GTF2E2: variants seen among roughly 807,000 people sequenced by gnomAD.
The protein encoded by GTF2E2 is transcription initiation factor IIE subunit beta.
In GTF2E2, 21 loss-of-function variants were observed where a neutral mutation model predicts 40.5. The observed-to-expected ratio is 0.52, with a 90% CI of 0.37 to 0.75. The LOEUF (loss-of-function observed/expected upper bound fraction) is 0.75. Ranked by LOEUF, GTF2E2 falls within the 30% of genes least tolerant of loss-of-function variation. The pLI is 0.00. For synonymous variants in GTF2E2, 117 were observed against 121.6 expected (o/e 0.96, Z 0.25); for missense variants, 298 against 338.4 (o/e 0.88, Z 0.94).
At chr8:30,635,250 A>G in intron 2 of GTF2E2, 127 bp from the exon 3 acceptor site, 1 of 544,980 alleles carries the variant, frequency 1.8e-6, no homozygotes. Flanking sequence ...ACCCTGTAAT[A>G]TTCTGGTGAA....
chr8:30,594,684 C>G (rs1427450453), intron 6 of GTF2E2, among the ~76,000 whole-genome samples: 1 of 151,740 alleles, frequency 6.6e-6, no homozygotes, highest in Non-Finnish European at 1.5e-5. Context: ...ATGAAGAAAT[C>G]CTGTCTCTAC....
intron 3 of GTF2E2, among the ~76,000 whole-genome samples, chr8:30,634,633 A>G (rs905449868): frequency 6.6e-5 from 10 of 152,212 alleles, no homozygotes; most frequent in African/African-American, 2.2e-4. Context: ...AGAAGCCATC[A>G]CCATCATCTG....
chr8:30,614,548 A>T (rs901559501), intron 4 of GTF2E2, 60 bp downstream of exon 4: 22 of 704,434 alleles, frequency 3.1e-5, no homozygotes, highest in African/African-American at 2.6e-4. Context: ...ACTCTGTCTT[A>T]AAAAAAAAAG....
intron 3 of GTF2E2, among the ~76,000 whole-genome samples, chr8:30,625,658 G>A (rs1431718976): frequency 1.3e-5 from 2 of 152,054 alleles, no homozygotes; most frequent in African/African-American, 4.8e-5. Context: ...GAGTACAGTG[G>A]CACGATCTCG....
chr8:30,624,488 A>C (rs1801209718), intron 3 of GTF2E2, among the ~76,000 whole-genome samples: 1 of 152,098 alleles, frequency 6.6e-6, no homozygotes, highest in South Asian at 2.1e-4. Context: ...CTGACTTCAC[A>C]ATGCGGGCTC....
intron 6 of GTF2E2, among the ~76,000 whole-genome samples, chr8:30,604,644 C>A (rs188979160): frequency 2.3e-4 from 35 of 152,318 alleles, no homozygotes; most frequent in Admixed American, 5.9e-4. Context: ...TAAGATTTAA[C>A]TACCAAGCAT....
At chr8:30,640,474 A>G (rs765779913) in intron 2 of GTF2E2, among the ~76,000 whole-genome samples, 3 of 152,130 alleles carry the variant, frequency 2.0e-5, no homozygotes, top group Non-Finnish European at 4.4e-5. Flanking sequence ...AAACAAAACT[A>G]AAACACATAT....
intron 3 of GTF2E2, among the ~76,000 whole-genome samples, chr8:30,624,741 T>TG (rs1724794959): frequency 6.6e-6 from 1 of 152,062 alleles, no homozygotes; most frequent in African/African-American, 2.4e-5. Context: ...CCTTGTAAGT[T>TG]GGATTTCTAG....
At chr8:30,614,942 C>T (rs1014013391) in intron 3 of GTF2E2, among the ~76,000 whole-genome samples, 1 of 151,706 alleles carries the variant, frequency 6.6e-6, no homozygotes, top group African/African-American at 2.4e-5. Context: ...ACTCGTATCA[C>T]CAAGAGCTAT....
intron 6 of GTF2E2, among the ~76,000 whole-genome samples, chr8:30,591,631 T>C (rs374023917): frequency 1.3e-5 from 2 of 152,214 alleles, no homozygotes; most frequent in African/African-American, 4.8e-5. Flanking sequence ...AAAATCAGTG[T>C]TGGCAAGGGT....
chr8:30,613,823 C>T (rs1371997598), intron 4 of GTF2E2, among the ~76,000 whole-genome samples: 2 of 152,166 alleles, frequency 1.3e-5, no homozygotes, highest in African/African-American at 2.4e-5. Flanking sequence ...TATTTTAAAG[C>T]GGTAAACATT....
chr8:30,642,018 A>G (rs570205171), intron 2 of GTF2E2, among the ~76,000 whole-genome samples: 3 of 152,256 alleles, frequency 2.0e-5, no homozygotes, highest in Non-Finnish European at 4.4e-5. Context: ...ACAGTCTAAC[A>G]AAAATGACAG....
At chr8:30,636,687 G>A (rs564943703) in intron 2 of GTF2E2, among the ~76,000 whole-genome samples, 2 of 152,202 alleles carry the variant, frequency 1.3e-5, no homozygotes, top group South Asian at 4.1e-4. Flanking sequence ...CCAACATGGT[G>A]AAACCCCGTC....
At chr8:30,584,976 C>T (rs1440662071) in intron 6 of GTF2E2, 3 of 152,170 alleles carry the variant, frequency 2.0e-5, no homozygotes, top group Non-Finnish European at 2.9e-5. Context: ...CACCTGAGGT[C>T]GGGAGTTCGA....
chr8:30,584,222 T>C (rs1361195708), intron 6 of GTF2E2, among the ~76,000 whole-genome samples: 7 of 152,074 alleles, frequency 4.6e-5, no homozygotes, highest in Admixed American at 4.6e-4. Context: ...CTCCAGTTTT[T>C]CTTCTTTCTC....
At chr8:30,605,494 T>A (rs1267840479) in intron 6 of GTF2E2, among the ~76,000 whole-genome samples, 2 of 152,228 alleles carry the variant, frequency 1.3e-5, no homozygotes, top group Admixed American at 1.3e-4. Flanking sequence ...AAGGCACATC[T>A]GCCTTTTAGT....
chr8:30,623,593 T>A (rs1306026425), intron 3 of GTF2E2, among the ~76,000 whole-genome samples: 1 of 152,096 alleles, frequency 6.6e-6, no homozygotes, highest in Non-Finnish European at 1.5e-5. Context: ...ATCGCCACAC[T>A]GACTTCTACA....
At chr8:30,639,227 G>T (rs1208846941) in intron 2 of GTF2E2, among the ~76,000 whole-genome samples, 1 of 152,058 alleles carries the variant, frequency 6.6e-6, no homozygotes, top group Admixed American at 6.5e-5. Flanking sequence ...GATCATAAAA[G>T]GTATCACTAT....
At chr8:30,602,008 A>G (rs985880128) in intron 6 of GTF2E2, among the ~76,000 whole-genome samples, 1 of 133,346 alleles carries the variant, frequency 7.5e-6, no homozygotes, top group Non-Finnish European at 1.6e-5. Context: ...GAGCACTTAT[A>G]CATTTTTTAA....
Sources: gnomAD v4.1 joint callset for allele counts (sites outside exome capture counted in the v4.1 genomes callset) on GRCh38, gnomAD v4.1.1 for gene constraint, MANE v1.5 for transcripts, NCBI Gene and HGNC (gene_info 2026-07-23, HGNC 2026-07-21) for gene names.